ASIC2: variants seen among roughly 807,000 people sequenced by gnomAD.
ASIC2 encodes the protein acid-sensing ion channel 2.
A neutral mutation model predicts 57.3 loss-of-function variants in ASIC2; 25 were observed. The observed-to-expected ratio is 0.44, with a 90% CI of 0.32 to 0.61. The LOEUF is 0.61. Among genes scored for constraint, ASIC2 ranks in the 20% least tolerant of loss-of-function variants. The pLI, the probability that ASIC2 is intolerant of heterozygous loss-of-function variation, is 0.06. For synonymous variants in ASIC2, 319 were observed against 307.5 expected (o/e 1.04, Z -0.39); for missense variants, 641 against 738.1 (o/e 0.87, Z 1.52).
At chr17:33,112,294 G>T (rs2092261704) in intron 1 of ASIC2, 2 of 547,520 alleles carry the variant, frequency 3.7e-6, no homozygotes, top group African/African-American at 1.9e-5. Context: ...GGGGTTTGTT[G>T]CAGTAGGATC....
intron 1 of ASIC2, among the ~76,000 whole-genome samples, chr17:33,988,737 C>T (rs1488785255): frequency 1.3e-5 from 2 of 151,924 alleles, no homozygotes; most frequent in Non-Finnish European, 2.9e-5. Context: ...CAGGCCTGCC[C>T]TGAAGCTCCT....
chr17:33,879,172 A>G (rs431006), intron 1 of ASIC2, among the ~76,000 whole-genome samples: 41,534 of 152,136 alleles, frequency 0.27, 5,888 homozygotes, highest in Middle Eastern at 0.36. Flanking sequence ...TGTAAAGACT[A>G]CTGAGGCTAG....
intron 3 of ASIC2, among the ~76,000 whole-genome samples, chr17:33,042,461 C>T (rs1446685864): frequency 6.6e-6 from 1 of 152,220 alleles, no homozygotes; most frequent in African/African-American, 2.4e-5. Flanking sequence ...CCAAAAGACT[C>T]ACTGTAGATT....
At chr17:33,842,324 G>T (rs62057860) in intron 1 of ASIC2, among the ~76,000 whole-genome samples, 1 of 152,110 alleles carries the variant, frequency 6.6e-6, no homozygotes, top group Non-Finnish European at 1.5e-5. Flanking sequence ...TCATAGACAA[G>T]ACATGGGTCT....
intron 1 of ASIC2, among the ~76,000 whole-genome samples, chr17:33,981,883 T>TA (rs1483995410): frequency 1.3e-5 from 2 of 152,208 alleles, no homozygotes; most frequent in East Asian, 3.9e-4. Context: ...CATAGCCTTG[T>TA]ATGAGGAAGT....
intron 1 of ASIC2, among the ~76,000 whole-genome samples, chr17:33,925,771 C>T (rs895385637): frequency 3.2e-4 from 49 of 152,170 alleles, no homozygotes; most frequent in African/African-American, 1.2e-3. Flanking sequence ...CATTCTTGTG[C>T]CCATGGTATG....
At chr17:33,348,882 C>G (rs915932703) in intron 1 of ASIC2, among the ~76,000 whole-genome samples, 18 of 152,170 alleles carry the variant, frequency 1.2e-4, no homozygotes, top group African/African-American at 4.3e-4. Flanking sequence ...GCCCAGACCA[C>G]CGAGGTCAAT....
At chr17:33,283,237 A>G (rs979677783) in intron 1 of ASIC2, among the ~76,000 whole-genome samples, 3 of 152,160 alleles carry the variant, frequency 2.0e-5, no homozygotes, top group Non-Finnish European at 2.9e-5. Flanking sequence ...TATAGATCCA[A>G]TGAATCGGTA....
intron 1 of ASIC2, among the ~76,000 whole-genome samples, chr17:33,249,165 A>G (rs1481849388): frequency 1.3e-5 from 2 of 152,170 alleles, no homozygotes; most frequent in Non-Finnish European, 2.9e-5. Context: ...ACTGGCCACA[A>G]GATTTTTCAC....
rs999347471 is a variant in ASIC2, at chr17:33,547,034, C to T, written c.556-434967G>A. Reference sequence around the variant, plus strand: ...TCTCAAACTTGAGGGTGCATCAGAACCACCTGGAAGGCTTGTTAAAAAAGG... The same window carrying T: ...TCTCAAACTTGAGGGTGCATCAGAATCACCTGGAAGGCTTGTTAAAAAAGG... On this transcript the variant is annotated intron_variant, in intron 1 of 9. Transcript: ENST00000359872. Among the ~76,000 whole-genome samples the T allele has an allele frequency of 1.1e-4, 17 of 152,172 alleles. 1 individual carries two copies. The highest frequency in any genetic ancestry group is 2.9e-5 in the Non-Finnish European group (2 of 68,024).
Position 34,156,456 on chromosome 17 carries a change from A to T in ASIC2, c.77T>A (p.Leu26His). 2 of 1,614,036 alleles carry T rather than the reference A, an allele frequency of 1.2e-6. No homozygotes were observed. Among genetic ancestry groups the T allele is most frequent in the Non-Finnish European group, 1.7e-6 (2 of 1,179,930 alleles). ...CACGAAGATGTGGCGGATGCCATGG[A>T]GGGTGGAGGTGTTGGCAAAGATCTG... Residue 26 changes from leucine (L) to histidine (H), a missense_variant, in exon 1 of 10, where the codon CTC (leucine) becomes CAC (histidine). Physicochemically the swap from Leu to His is moderately conservative, Grantham distance 99 (BLOSUM62 -3). Coordinates refer to the ASIC2 transcript ENST00000359872. This position sits in a 1 kb window ranked among gnomAD's most constrained non-coding sequence, Gnocchi z 4.4.
At chr17:33,719,172 G>A (rs1909309895) in intron 1 of ASIC2, among the ~76,000 whole-genome samples, 1 of 152,210 alleles carries the variant, frequency 6.6e-6, no homozygotes, top group African/African-American at 2.4e-5. Flanking sequence ...CTGGGTGGGA[G>A]GGAACAAGGC....
At chr17:34,127,327 G>T (rs770855868) in intron 1 of ASIC2, among the ~76,000 whole-genome samples, 17 of 152,214 alleles carry the variant, frequency 1.1e-4, no homozygotes, top group Middle Eastern at 3.4e-3. Context: ...CATGATTGCT[G>T]ATCTCTCCTT....
intron 1 of ASIC2, among the ~76,000 whole-genome samples, chr17:33,353,048 C>A (rs1908245873): frequency 6.6e-6 from 1 of 152,294 alleles, no homozygotes; most frequent in Admixed American, 6.5e-5. Context: ...CCTTAAGCGT[C>A]CTGACTTTGC....
At chr17:33,947,869 A>T (rs1904434239) in intron 1 of ASIC2, among the ~76,000 whole-genome samples, 1 of 152,198 alleles carries the variant, frequency 6.6e-6, no homozygotes, top group South Asian at 2.1e-4. Flanking sequence ...AAATATTTTC[A>T]GTTTCTTATT....
intron 1 of ASIC2, among the ~76,000 whole-genome samples, chr17:33,945,311 A>ATTTT (rs56329459): frequency 2.0e-5 from 3 of 146,620 alleles, no homozygotes; most frequent in African/African-American, 5.0e-5. Flanking sequence ...GGGCTTGCCC[A>ATTTT]TTTTTTTTTT....
At chr17:33,587,959 T>A (rs921139119) in intron 1 of ASIC2, among the ~76,000 whole-genome samples, 1 of 152,220 alleles carries the variant, frequency 6.6e-6, no homozygotes, top group Non-Finnish European at 1.5e-5. Context: ...ACAGTCTCAC[T>A]TGATTCAGAT....
intron 1 of ASIC2, among the ~76,000 whole-genome samples, chr17:33,382,602 C>T (rs186960812): frequency 1.3e-5 from 2 of 152,332 alleles, no homozygotes; most frequent in African/African-American, 4.8e-5. Context: ...ACATGTCAGA[C>T]ACTGTGCTGC....
intron 1 of ASIC2, among the ~76,000 whole-genome samples, chr17:33,668,311 A>G (rs537702837): frequency 7.6e-6 from 1 of 131,546 alleles, no homozygotes; most frequent in African/African-American, 2.8e-5. Flanking sequence ...CAGCCAGTAT[A>G]AAGTAGAAAA....
Sources: gnomAD v4.1 joint callset for allele counts (sites outside exome capture counted in the v4.1 genomes callset) on GRCh38, gnomAD v4.1.1 for gene constraint, Gnocchi (gnomAD v3.1) non-coding constraint, MANE v1.5 for transcripts, NCBI Gene and HGNC (gene_info 2026-07-23, HGNC 2026-07-21) for gene names.